PLD5: variants seen among roughly 807,000 people sequenced by gnomAD.
PLD5 encodes the protein inactive phospholipase D5.
In PLD5, 36 loss-of-function variants were observed where a neutral mutation model predicts 61.1. The ratio of observed to expected loss-of-function variants is 0.59; its 90% CI spans 0.45 to 0.78. The LOEUF is 0.78. Among genes scored for constraint, PLD5 ranks in the 30% least tolerant of loss-of-function variants. The pLI is 0.00. For missense variants in PLD5, 515 were observed against 644.4 expected (o/e 0.80, Z 2.17); for synonymous variants, 243 against 242.8 (o/e 1.00, Z -0.01).
intron 5 of PLD5, among the ~76,000 whole-genome samples, chr1:242,201,057 C>T (rs1341067936): frequency 6.6e-6 from 1 of 152,130 alleles, no homozygotes; most frequent in Non-Finnish European, 1.5e-5. Flanking sequence ...AAATGTGGTA[C>T]ATTTAACTTT....
Position 242,124,544 on chromosome 1 carries a change from C to A in PLD5, c.857G>T (p.Arg286Ile). Residue 286 changes from arginine to isoleucine, a missense_variant, in exon 6 of 10, where the codon AGA (arginine) becomes ATA (isoleucine). By Grantham distance (97) the Arg-to-Ile change is moderately conservative. Transcript: ENST00000536534. ...TTCATTGTCATAGACTCCATAGAGT[C>A]TTTTGGACCAGGTTTGAGGCACTCT... ...KSRVPQTWSK[R>I]LYGVYDNEKK... 6.2e-7 allele frequency: 1 copy of A among 1,614,084 alleles called. No individual in the cohort carries two copies. The highest frequency in any genetic ancestry group is 8.5e-7 in the Non-Finnish European group (1 of 1,179,982).
chr1:242,190,986 G>A (rs926417655), intron 5 of PLD5, among the ~76,000 whole-genome samples: 1 of 152,116 alleles, frequency 6.6e-6, no homozygotes, highest in Non-Finnish European at 1.5e-5. Context: ...AACCAATGGG[G>A]AAATACAGGG....
intron 2 of PLD5, among the ~76,000 whole-genome samples, chr1:242,338,447 G>C (rs1399523264): frequency 6.6e-6 from 1 of 151,388 alleles, no homozygotes; most frequent in Non-Finnish European, 1.5e-5. Context: ...TGCCCATAAG[G>C]GTTCAATGAA....
At chr1:242,490,140 A>G (rs1033325228) in intron 1 of PLD5, among the ~76,000 whole-genome samples, 1 of 152,230 alleles carries the variant, frequency 6.6e-6, no homozygotes, top group Non-Finnish European at 1.5e-5. Context: ...CTCAATGCCC[A>G]TCATCAAAGA....
chr1:242,367,606 C>T (rs1661414443), intron 1 of PLD5, among the ~76,000 whole-genome samples: 3 of 152,170 alleles, frequency 2.0e-5, no homozygotes, highest in South Asian at 2.1e-4. Flanking sequence ...AACCTGGAGA[C>T]GAACCCCTAT....
rs574846399 is a variant in PLD5, at chr1:242,413,932, T to G, written c.190-65690A>C. Among the ~76,000 whole-genome samples, 4 of 152,198 alleles carry G rather than the reference T, an allele frequency of 2.6e-5. No homozygotes were observed. In the East Asian group the frequency reaches 7.7e-4, roughly 29 times the overall value. ...CTCAGACTTGTTAAGGAACCAAGAT[T>G]TTTGTCCTGCAGATAACAGGGGATT... On this transcript the variant is annotated intron_variant, in intron 1 of 9. Transcript: ENST00000536534.
chr1:242,349,441 C>T (rs949348419), intron 1 of PLD5, among the ~76,000 whole-genome samples: 7 of 152,154 alleles, frequency 4.6e-5, no homozygotes, highest in African/African-American at 1.7e-4. Flanking sequence ...CGGAATATGC[C>T]TAGCTGAGAA....
chr1:242,417,374 G>A (rs1664889133), intron 1 of PLD5, among the ~76,000 whole-genome samples: 1 of 152,174 alleles, frequency 6.6e-6, no homozygotes, highest in South Asian at 2.1e-4. Context: ...CCATTGCCAT[G>A]GCAACACCCT....
chr1:242,101,382 C>T (rs1299115219), intron 8 of PLD5, among the ~76,000 whole-genome samples: 2 of 151,950 alleles, frequency 1.3e-5, no homozygotes, highest in African/African-American at 4.8e-5. Flanking sequence ...GGTGACATTC[C>T]AGTTCACCCA....
At chr1:242,483,666 C>G (rs1667861538) in intron 1 of PLD5, among the ~76,000 whole-genome samples, 1 of 152,098 alleles carries the variant, frequency 6.6e-6, no homozygotes. Flanking sequence ...TGAAAGTTAA[C>G]AAGAATATCC....
intron 5 of PLD5, among the ~76,000 whole-genome samples, chr1:242,211,420 T>G (rs1669813173): frequency 6.6e-6 from 1 of 152,210 alleles, no homozygotes; most frequent in South Asian, 2.1e-4. Flanking sequence ...CAACCTTTGA[T>G]CATTTGTGGG....
intron 1 of PLD5, among the ~76,000 whole-genome samples, chr1:242,493,418 G>T (rs1668237449): frequency 6.6e-6 from 1 of 152,170 alleles, no homozygotes; most frequent in Non-Finnish European, 1.5e-5. Context: ...GCGAGCACCG[G>T]GTTATGCTTC....
chr1:242,145,955 C>T (rs570489671), intron 5 of PLD5, among the ~76,000 whole-genome samples: 4 of 152,288 alleles, frequency 2.6e-5, no homozygotes, highest in East Asian at 1.9e-4. Flanking sequence ...GGATTACAGG[C>T]GTGAGCCACC....
At chr1:242,485,395 T>G (rs1453724721) in intron 1 of PLD5, among the ~76,000 whole-genome samples, 1 of 151,988 alleles carries the variant, frequency 6.6e-6, no homozygotes, top group East Asian at 1.9e-4. Flanking sequence ...TGTGCAAAAA[T>G]CACAAGCATT....
At chr1:242,157,161 G>A (rs1260902361) in intron 5 of PLD5, among the ~76,000 whole-genome samples, 1 of 151,998 alleles carries the variant, frequency 6.6e-6, no homozygotes, top group African/African-American at 2.4e-5. Flanking sequence ...TTGATACTGT[G>A]TATGCTTCAC....
chr1:242,228,765 T>C (rs1224901377), intron 4 of PLD5, among the ~76,000 whole-genome samples: 2 of 151,564 alleles, frequency 1.3e-5, no homozygotes, highest in Non-Finnish European at 2.9e-5. Context: ...GAGCAAACCA[T>C]AGTGAAAAAG....
At chr1:242,284,656 G>C (rs1674919124) in intron 3 of PLD5, among the ~76,000 whole-genome samples, 1 of 152,154 alleles carries the variant, frequency 6.6e-6, no homozygotes. Context: ...CCAAAGGCTT[G>C]AGATTCTGCA....
intron 1 of PLD5, among the ~76,000 whole-genome samples, chr1:242,369,431 AG>A (rs1179890871): frequency 6.6e-6 from 1 of 152,202 alleles, no homozygotes. Flanking sequence ...TATAACAACA[AG>A]GATGGTCACT....
intron 2 of PLD5, chr1:242,345,820 C>G (rs907395865): frequency 2.4e-6 from 1 of 410,950 alleles, no homozygotes; most frequent in African/African-American, 2.0e-5. Flanking sequence ...CCTCCTCATC[C>G]TGTGCATTGG....
Sources: allele counts gnomAD v4.1 joint callset (sites outside exome capture counted in the v4.1 genomes callset), GRCh38; gene constraint gnomAD v4.1.1; transcripts MANE v1.5; gene names NCBI Gene and HGNC (gene_info 2026-07-23, HGNC 2026-07-21).